Variants in GSE1 observed in about 807,000 individuals in gnomAD.
GSE1 encodes the protein genetic suppressor element 1.
In GSE1, 32 loss-of-function variants were observed where a neutral mutation model predicts 112.6. That is an observed-to-expected ratio of 0.28 (90% CI 0.21 to 0.38). GSE1 has a LOEUF of 0.38. Among genes scored for constraint, GSE1 ranks in the 10% least tolerant of loss-of-function variants. The probability of loss-of-function intolerance (pLI) is 1.00; values close to 1 mark genes in which losing one functional copy is unlikely to be tolerated. For synonymous variants in GSE1, 1,115 were observed against 735.6 expected, an observed-to-expected ratio of 1.52 and a Z score of -8.35; for missense variants, 2,348 against 1,699.2, an observed-to-expected ratio of 1.38 and a Z score of -6.71.
chr16:85,229,147 A>T (rs2075539327), intron 1 of GSE1, among the ~76,000 whole-genome samples: 1 of 152,182 alleles, frequency 6.6e-6, no homozygotes, highest in Non-Finnish European at 1.5e-5. Context: ...AGGTCTCCCT[A>T]CCTAAGAGGA....
chr16:85,457,341 C>T (rs1165355981), intron 2 of GSE1, among the ~76,000 whole-genome samples: 2 of 152,186 alleles, frequency 1.3e-5, no homozygotes, highest in Non-Finnish European at 2.9e-5. Flanking sequence ...CAGCGAGACT[C>T]CCCCCAGACT....
At chr16:85,321,989 C>T (rs2046117696) in intron 1 of GSE1, among the ~76,000 whole-genome samples, 1 of 152,202 alleles carries the variant, frequency 6.6e-6, no homozygotes, top group Non-Finnish European at 1.5e-5. Flanking sequence ...GCCGTGTCCA[C>T]CCACTGAGCC....
At chr16:85,169,928 C>A (rs2074331139) in exon 1 of GSE1, 1 of 984,446 alleles carries the variant, frequency 1.0e-6, no homozygotes, top group East Asian at 1.1e-4. Flanking sequence ...GCCGGGGCCC[C>A]CCGCGAGTGG....
chr16:85,524,894 C>T (rs769302995), intron 2 of GSE1, among the ~76,000 whole-genome samples: 6 of 152,280 alleles, frequency 3.9e-5, no homozygotes, highest in African/African-American at 7.2e-5. Flanking sequence ...TGGGATCTCC[C>T]GAGGCCCCCG....
chr16:85,642,999 G>T (rs149501236), intron 2 of GSE1, among the ~76,000 whole-genome samples: 1 of 152,264 alleles, frequency 6.6e-6, no homozygotes, highest in African/African-American at 2.4e-5. Flanking sequence ...GACTCTTCAG[G>T]GGGTGCCGGT....
At chr16:85,618,911 G>A (rs187705688) in intron 1 of GSE1, among the ~76,000 whole-genome samples, 5 of 152,178 alleles carry the variant, frequency 3.3e-5, no homozygotes, top group South Asian at 4.1e-4. Flanking sequence ...TGATCCTTCC[G>A]TCTCAGCCTC....
At chr16:85,284,206 C>T (rs756243736) in intron 1 of GSE1, among the ~76,000 whole-genome samples, 17 of 152,338 alleles carry the variant, frequency 1.1e-4, no homozygotes, top group Non-Finnish European at 1.8e-4. Context: ...CCCGGCGGGT[C>T]GTGCTTTAGC....
At chr16:85,413,260 A>G (rs2048624634) in intron 2 of GSE1, among the ~76,000 whole-genome samples, 1 of 152,208 alleles carries the variant, frequency 6.6e-6, no homozygotes, top group African/African-American at 2.4e-5. Flanking sequence ...AGAGTGTGGG[A>G]CACGGGGAAC....
chr16:85,630,819 T>G (rs1335006017), intron 1 of GSE1, among the ~76,000 whole-genome samples: 1 of 152,070 alleles, frequency 6.6e-6, no homozygotes, highest in Admixed American at 6.5e-5. Context: ...GCTTAGGTCA[T>G]CTCCTGGTCT....
intron 1 of GSE1, among the ~76,000 whole-genome samples, chr16:85,226,901 C>T (rs965989300): frequency 1.3e-5 from 2 of 151,854 alleles, no homozygotes; most frequent in African/African-American, 4.8e-5. Flanking sequence ...TTTGCAGGCT[C>T]TTCATCTGGC....
chr16:85,482,977 C>CAAAAAA (rs3054201), intron 2 of GSE1, among the ~76,000 whole-genome samples: 4 of 48,294 alleles, frequency 8.3e-5, no homozygotes, highest in African/African-American at 2.8e-4. Context: ...GACTCCGTCT[C>CAAAAAA]AAAAAAAAAA....
chr16:85,660,858 C>G (rs1021483196), intron 8 of GSE1, among the ~76,000 whole-genome samples: 1 of 152,080 alleles, frequency 6.6e-6, no homozygotes, highest in Non-Finnish European at 1.5e-5. Flanking sequence ...TCTCAAACTG[C>G]TGACCTTGTG....
rs1165062872 is a variant in GSE1 at position 85,597,373 on chromosome 16, CAAAAAAAAAAAA to C, written c.37+41024_37+41035del. 9.9e-3 allele frequency among the ~76,000 whole-genome samples: 314 copies of C among 31,862 alleles called. 4 individuals are homozygous for C. Among genetic ancestry groups the C allele is most frequent in the Middle Eastern group, 0.029 (2 of 70 alleles). The allele number at this position is 31,862 out of a possible 152,430, so 20.9% of individuals were successfully genotyped here. On this transcript the variant is annotated intron_variant, in intron 1 of 2. Transcript: ENST00000635906. ...TGGGCAACAGAGTGAGACTCTGTCT[CAAAAAAAAAAAA>C]AAAAAAAAAAAAAGAAGAAGAAAGT... is the stretch of plus-strand genomic sequence containing the variant.
chr16:85,301,518 A>G (rs1190995445), intron 1 of GSE1, among the ~76,000 whole-genome samples: 1 of 152,232 alleles, frequency 6.6e-6, no homozygotes, highest in African/African-American at 2.4e-5. Flanking sequence ...GGTGGATGGC[A>G]AGCTGCCCTG....
chr16:85,647,649 C>G (rs995712652), intron 2 of GSE1, among the ~76,000 whole-genome samples: 1 of 152,126 alleles, frequency 6.6e-6, no homozygotes, highest in African/African-American at 2.4e-5. Flanking sequence ...TGCGGCAGCA[C>G]GATCTCTGCT....
chr16:85,198,031 G>A (rs1024254058), intron 1 of GSE1, among the ~76,000 whole-genome samples: 2 of 152,140 alleles, frequency 1.3e-5, no homozygotes, highest in African/African-American at 4.8e-5. Context: ...AGCACCCCTT[G>A]GTTGGGCGAG....
intron 1 of GSE1, among the ~76,000 whole-genome samples, chr16:85,625,632 G>A (rs1334995876): frequency 6.6e-6 from 1 of 152,198 alleles, no homozygotes; most frequent in Non-Finnish European, 1.5e-5. Flanking sequence ...TTCCCAGCAT[G>A]GCAGTGAGCA....
intron 2 of GSE1, among the ~76,000 whole-genome samples, chr16:85,478,922 T>G (rs550642935): frequency 2.0e-5 from 1 of 51,100 alleles, no homozygotes; most frequent in Non-Finnish European, 3.7e-5. Flanking sequence ...TTTCTTTCTT[T>G]CTTTCTCTTT....
intron 2 of GSE1, among the ~76,000 whole-genome samples, chr16:85,464,943 G>A (rs998982888): frequency 1.3e-5 from 2 of 152,214 alleles, no homozygotes; most frequent in Admixed American, 6.5e-5. Flanking sequence ...GGCAGCATCA[G>A]GGGGAGGGCA....
Sources: allele counts gnomAD v4.1 joint callset (sites outside exome capture counted in the v4.1 genomes callset), GRCh38; gene constraint gnomAD v4.1.1; transcripts MANE v1.5; gene names NCBI Gene and HGNC (gene_info 2026-07-23, HGNC 2026-07-21).